Variants in RBM20 observed in about 807,000 individuals in gnomAD.
RBM20 encodes the protein RNA-binding protein 20.
RBM20 carries 51 observed loss-of-function variants against 110.1 expected under a neutral mutation model. The ratio of observed to expected loss-of-function variants is 0.46; its 90% CI spans 0.37 to 0.59. The LOEUF (loss-of-function observed/expected upper bound fraction) is 0.59. RBM20 is among the 20% of genes least tolerant of loss of function. The probability of loss-of-function intolerance (pLI) is 0.00; values close to 1 mark genes in which losing one functional copy is unlikely to be tolerated. For missense variants in RBM20, 1,512 were observed against 1,574.9 expected (o/e 0.96, Z 0.68); for synonymous variants, 589 against 618.2 (o/e 0.95, Z 0.70).
chr10:110,675,364 C>G (rs1221807730), intron 1 of RBM20, among the ~76,000 whole-genome samples: 1 of 152,170 alleles, frequency 6.6e-6, no homozygotes, highest in African/African-American at 2.4e-5. Context: ...AGATCATGGC[C>G]TTTACCACAA....
chr10:110,659,059 T>C (rs914338934), intron 1 of RBM20, among the ~76,000 whole-genome samples: 1 of 152,174 alleles, frequency 6.6e-6, no homozygotes, highest in Non-Finnish European at 1.5e-5. Context: ...CCCTGGCACA[T>C]AGTGTGTTGA....
intron 3 of RBM20, among the ~76,000 whole-genome samples, chr10:110,783,713 A>AT (rs1844383682): frequency 6.6e-6 from 1 of 152,122 alleles, no homozygotes; most frequent in Admixed American, 6.6e-5. Flanking sequence ...TCTGGCTTTC[A>AT]TTTTTTTCAT....
At chr10:110,820,204 C>A (rs1844890642) in intron 10 of RBM20, 28 bp downstream of exon 10, 3 of 1,475,624 alleles carry the variant, frequency 2.0e-6, no homozygotes, top group Non-Finnish European at 1.9e-6. Flanking sequence ...TTCTGCACTT[C>A]TGCCATGAGG....
intron 1 of RBM20, among the ~76,000 whole-genome samples, chr10:110,729,689 T>C (rs1843600279): frequency 2.6e-5 from 4 of 152,166 alleles, no homozygotes; most frequent in Non-Finnish European, 5.9e-5. Flanking sequence ...CTGGCCCTTG[T>C]ACCCTGGCTG....
intron 1 of RBM20, among the ~76,000 whole-genome samples, chr10:110,778,615 T>C (rs1475135432): frequency 2.0e-5 from 3 of 152,264 alleles, no homozygotes; most frequent in Non-Finnish European, 2.9e-5. Context: ...ATGCATTGTT[T>C]ATGGCAACTC....
rs189508836 is a variant in RBM20 at position 110,795,931 on chromosome 10, C to T, written c.1528-1577C>T. Among the ~76,000 whole-genome samples, 845 of 152,276 alleles carry T rather than the reference C, an allele frequency of 5.5e-3. 5 individuals are homozygous for T. Among genetic ancestry groups the T allele is most frequent in the Non-Finnish European group, 8.3e-3 (562 of 68,024 alleles). Reference sequence around the variant, plus strand: ...CCAGGTGGGGGTCGTGCCAGGGTGCCGGACCCCAAGGTTTGACCAGAATAG... The same window carrying T: ...CCAGGTGGGGGTCGTGCCAGGGTGCTGGACCCCAAGGTTTGACCAGAATAG... On this transcript the variant is annotated intron_variant, in intron 5 of 13. Transcript: ENST00000369519.
intron 1 of RBM20, among the ~76,000 whole-genome samples, chr10:110,732,848 G>C (rs1291914815): frequency 1.3e-5 from 2 of 152,062 alleles, no homozygotes; most frequent in East Asian, 3.9e-4. Context: ...CATCCCTCCT[G>C]GTTCCCCATA....
At chr10:110,750,655 G>T (rs1843841632) in intron 1 of RBM20, among the ~76,000 whole-genome samples, 1 of 152,188 alleles carries the variant, frequency 6.6e-6, no homozygotes, top group Non-Finnish European at 1.5e-5. Flanking sequence ...TCCTTGACAG[G>T]GTGAAACTGG....
intron 1 of RBM20, among the ~76,000 whole-genome samples, chr10:110,650,320 G>A (rs1861928091): frequency 6.6e-6 from 1 of 152,204 alleles, no homozygotes; most frequent in Non-Finnish European, 1.5e-5. Flanking sequence ...TCCCCTGATG[G>A]TTTCTAAGGC....
intron 7 of RBM20, among the ~76,000 whole-genome samples, chr10:110,803,172 T>C (rs1382189399): frequency 2.0e-5 from 3 of 152,210 alleles, no homozygotes; most frequent in Non-Finnish European, 4.4e-5. Flanking sequence ...GTTAGACAGG[T>C]ATTATTATCT....
At chr10:110,645,437 G>A (rs1166924329) in intron 1 of RBM20, among the ~76,000 whole-genome samples, 16 of 152,134 alleles carry the variant, frequency 1.1e-4, no homozygotes, top group Admixed American at 8.5e-4. Flanking sequence ...CTCTCCTAAG[G>A]GTTTACCCAG....
intron 1 of RBM20, among the ~76,000 whole-genome samples, chr10:110,731,354 G>T (rs1843619626): frequency 6.6e-6 from 1 of 152,122 alleles, no homozygotes; most frequent in South Asian, 2.1e-4. Flanking sequence ...AATTCATTTG[G>T]TTCCTTGGTA....
intron 7 of RBM20, among the ~76,000 whole-genome samples, chr10:110,807,248 C>A (rs1477761292): frequency 6.6e-6 from 1 of 152,218 alleles, no homozygotes; most frequent in African/African-American, 2.4e-5. Flanking sequence ...GGCCCCCTCA[C>A]TGGGGACCTG....
chr10:110,654,342 T>TA (rs1861990576), intron 1 of RBM20, among the ~76,000 whole-genome samples: 1 of 152,238 alleles, frequency 6.6e-6, no homozygotes, highest in Non-Finnish European at 1.5e-5. Flanking sequence ...CCTGACTTCA[T>TA]AGGACTTGAT....
intron 1 of RBM20, among the ~76,000 whole-genome samples, chr10:110,660,416 C>T (rs1862085695): frequency 6.6e-6 from 1 of 152,148 alleles, no homozygotes; most frequent in Admixed American, 6.5e-5. Flanking sequence ...TAAGGATCCC[C>T]AACCCCCAGG....
chr10:110,714,431 C>A (rs1891039), intron 1 of RBM20, among the ~76,000 whole-genome samples: 2 of 152,036 alleles, frequency 1.3e-5, no homozygotes, highest in Admixed American at 6.5e-5. Flanking sequence ...AGCTGACCAC[C>A]TGACCATCTA....
At chr10:110,762,125 C>T (rs927805530) in intron 1 of RBM20, among the ~76,000 whole-genome samples, 8 of 152,220 alleles carry the variant, frequency 5.3e-5, no homozygotes, top group Non-Finnish European at 1.0e-4. Flanking sequence ...TTTCAAATAA[C>T]CACATACTAG....
chr10:110,722,920 T>C (rs1252227922), intron 1 of RBM20, among the ~76,000 whole-genome samples: 1 of 152,074 alleles, frequency 6.6e-6, no homozygotes, highest in Non-Finnish European at 1.5e-5. Flanking sequence ...GAGATTAGCC[T>C]GGCCAAAAAG....
chr10:110,784,739 C>A, intron 4 of RBM20, 53 bp from the exon 5 acceptor site: 1 of 1,168,924 alleles, frequency 8.6e-7, no homozygotes, highest in Non-Finnish European at 1.3e-6. Flanking sequence ...CTAATAATGA[C>A]TTTTGATGTT....
Sources: allele counts gnomAD v4.1 joint callset (sites outside exome capture counted in the v4.1 genomes callset), GRCh38; gene constraint gnomAD v4.1.1; transcripts MANE v1.5; gene names NCBI Gene and HGNC (gene_info 2026-07-23, HGNC 2026-07-21).